ASAP1: variants seen among roughly 807,000 people sequenced by gnomAD.
ASAP1 encodes the protein arf-GAP with SH3 domain, ANK repeat and PH domain-containing protein 1.
ASAP1 carries 43 observed loss-of-function variants against 145.2 expected under a neutral mutation model. That is an observed-to-expected ratio of 0.30 (90% CI 0.23 to 0.38). The LOEUF is 0.38. Ranked by LOEUF, ASAP1 falls within the 10% of genes least tolerant of loss-of-function variation. The pLI is 1.00. For missense variants in ASAP1, 1,018 were observed against 1,355.3 expected, an observed-to-expected ratio of 0.75 and a Z score of 3.91; for synonymous variants, 546 against 515.5, an observed-to-expected ratio of 1.06 and a Z score of -0.80.
At chr8:130,077,456 C>T (rs2097465393) in intron 26 of ASAP1, among the ~76,000 whole-genome samples, 2 of 151,988 alleles carry the variant, frequency 1.3e-5, no homozygotes, top group Admixed American at 1.3e-4. Flanking sequence ...GCCTGAGCCC[C>T]ATCTGCCAAG....
intron 10 of ASAP1, among the ~76,000 whole-genome samples, chr8:130,168,503 T>C (rs1024857791): frequency 2.6e-5 from 4 of 152,108 alleles, no homozygotes; most frequent in Non-Finnish European, 4.4e-5. Context: ...GGCACGAGAA[T>C]TGCTTGAGCC....
At chr8:130,405,225 T>C (rs7812299) in intron 1 of ASAP1, among the ~76,000 whole-genome samples, 49,470 of 151,902 alleles carry the variant, frequency 0.33, 8,827 homozygotes, top group African/African-American at 0.46. Flanking sequence ...TTGGTGCCAG[T>C]TGGACTCACA....
intron 1 of ASAP1, among the ~76,000 whole-genome samples, chr8:130,415,247 T>G (rs557815094): frequency 1.3e-5 from 2 of 151,394 alleles, no homozygotes; most frequent in African/African-American, 2.5e-5. Flanking sequence ...GGCAGAAGGA[T>G]AGCTTGAGGC....
chr8:130,145,311 A>T (rs1394822134), intron 13 of ASAP1, among the ~76,000 whole-genome samples: 1 of 152,144 alleles, frequency 6.6e-6, no homozygotes, highest in Non-Finnish European at 1.5e-5. Context: ...CATCTGAGCT[A>T]TGGCATATGT....
At chr8:130,098,874 G>A (rs1348196568) in intron 24 of ASAP1, among the ~76,000 whole-genome samples, 1 of 152,052 alleles carries the variant, frequency 6.6e-6, no homozygotes, top group Non-Finnish European at 1.5e-5. Flanking sequence ...ACAGAACACA[G>A]GAACTTATCC....
In ASAP1 at chr8:130,053,246, T is replaced by C. The variant is rs548001091; in HGVS notation, c.*1485A>G. 6.6e-6 allele frequency: 1 copy of C among 152,356 alleles called. No individual in the cohort carries two copies. The highest frequency in any genetic ancestry group is 2.4e-5 in the African/African-American group (1 of 41,578). The allele number at this position is 152,356 out of a possible 1,614,324, so 9.4% of individuals were successfully genotyped here. A position where few individuals can be genotyped will look rare whatever the true frequency, so the allele number is the denominator to read the frequency against. ...TGCCAAGATTCTCTGCTTAAAAATATTAGTTTTCTGTGCTGTTGCCAAAAT... is the reference window on the plus strand; with the variant it reads ...TGCCAAGATTCTCTGCTTAAAAATACTAGTTTTCTGTGCTGTTGCCAAAAT... On this transcript the variant is annotated 3_prime_UTR_variant, in exon 30 of 30. Coordinates refer to ENST00000518721, the MANE Select transcript of ASAP1 (RefSeq NM_018482.4).
intron 2 of ASAP1, among the ~76,000 whole-genome samples, chr8:130,390,265 T>C (rs1214151922): frequency 6.6e-6 from 1 of 152,220 alleles, no homozygotes. Context: ...AGTTTCTCAG[T>C]TGTACGAAGC....
intron 24 of ASAP1, among the ~76,000 whole-genome samples, chr8:130,110,001 G>A (rs1309447264): frequency 1.3e-5 from 2 of 152,152 alleles, no homozygotes; most frequent in Admixed American, 6.5e-5. Flanking sequence ...ATCCTTAGAT[G>A]ACCACGGTTG....
intron 10 of ASAP1, among the ~76,000 whole-genome samples, chr8:130,168,319 A>C (rs1328933538): frequency 6.6e-6 from 1 of 152,204 alleles, no homozygotes; most frequent in East Asian, 1.9e-4. Context: ...GATAATATAA[A>C]ACATGCAAAA....
chr8:130,283,622 G>A (rs1471209618), intron 3 of ASAP1, among the ~76,000 whole-genome samples: 1 of 144,302 alleles, frequency 6.9e-6, no homozygotes, highest in Non-Finnish European at 1.5e-5. Context: ...AAAGAAGGCA[G>A]GATGCAGACA....
chr8:130,089,696 C>T (rs2097501463), intron 25 of ASAP1, among the ~76,000 whole-genome samples: 3 of 152,120 alleles, frequency 2.0e-5, no homozygotes, highest in African/African-American at 4.8e-5. Context: ...AGGAGCAGAG[C>T]AACTATAACC....
intron 3 of ASAP1, among the ~76,000 whole-genome samples, chr8:130,315,549 G>A (rs1823615027): frequency 6.6e-6 from 1 of 152,320 alleles, no homozygotes; most frequent in Admixed American, 6.5e-5. Flanking sequence ...CTTTCTCTAA[G>A]GAGAAGAGGC....
intron 3 of ASAP1, among the ~76,000 whole-genome samples, chr8:130,276,487 G>A (rs1820888178): frequency 6.6e-6 from 1 of 152,190 alleles, no homozygotes; most frequent in Admixed American, 6.5e-5. Flanking sequence ...GCTAAGCCAT[G>A]TGATGGTCTA....
intron 3 of ASAP1, among the ~76,000 whole-genome samples, chr8:130,331,769 C>T (rs896166497): frequency 6.7e-6 from 1 of 150,092 alleles, no homozygotes; most frequent in Non-Finnish European, 1.5e-5. Flanking sequence ...AAAAAATACA[C>T]CCCAAAATTC....
intron 27 of ASAP1, among the ~76,000 whole-genome samples, chr8:130,072,860 T>A (rs2135237400): frequency 1.1e-5 from 1 of 95,022 alleles, no homozygotes; most frequent in Non-Finnish European, 2.2e-5. Context: ...GACTGAGCTC[T>A]CACCCGGTGG....
At chr8:130,098,064 T>C (rs948321062) in intron 24 of ASAP1, among the ~76,000 whole-genome samples, 4 of 152,224 alleles carry the variant, frequency 2.6e-5, no homozygotes, top group Admixed American at 1.3e-4. Flanking sequence ...GTGCTTGAGC[T>C]AAAACACAGT....
At chr8:130,207,231 C>T (rs1462461195) in intron 5 of ASAP1, among the ~76,000 whole-genome samples, 1 of 151,996 alleles carries the variant, frequency 6.6e-6, no homozygotes, top group African/African-American at 2.4e-5. Context: ...CCATGAACAA[C>T]AAATCGTTTG....
intron 1 of ASAP1, among the ~76,000 whole-genome samples, chr8:130,426,655 T>C: frequency 6.6e-6 from 1 of 152,220 alleles, no homozygotes; most frequent in East Asian, 1.9e-4. Context: ...GGTCTCTGCA[T>C]GGGGCAGGCC....
chr8:130,118,909 T>C, intron 18 of ASAP1: 1 of 249,834 alleles, frequency 4.0e-6, no homozygotes, highest in Admixed American at 5.4e-5. Flanking sequence ...AACGGGCACA[T>C]AAATCACAGA....
Sources: gnomAD v4.1 joint callset for allele counts (sites outside exome capture counted in the v4.1 genomes callset) on GRCh38, gnomAD v4.1.1 for gene constraint, MANE v1.5 for transcripts, NCBI Gene and HGNC (gene_info 2026-07-23, HGNC 2026-07-21) for gene names.